Variants in LRRC7 observed in about 807,000 individuals in gnomAD.
LRRC7 encodes leucine-rich repeat-containing protein 7.
A neutral mutation model predicts 175.7 loss-of-function variants in LRRC7; 23 were observed. The ratio of observed to expected loss-of-function variants is 0.13; its 90% confidence interval spans 0.09 to 0.19. The LOEUF is 0.19. LRRC7 is among the 10% of genes least tolerant of loss of function. The pLI is 1.00. For missense variants in LRRC7, 1,354 were observed against 1,904.7 expected, an observed-to-expected ratio of 0.71 and a Z score of 5.38; for synonymous variants, 685 against 680.9, an observed-to-expected ratio of 1.01 and a Z score of -0.09.
At chr1:69,672,245 T>C (rs912038641) in intron 1 of LRRC7, among the ~76,000 whole-genome samples, 6 of 148,714 alleles carry the variant, frequency 4.0e-5, no homozygotes, top group Non-Finnish European at 7.6e-5. Flanking sequence ...TTCTACTTAA[T>C]ACATTTTTTT....
chr1:69,579,719 A>G lies in LRRC7; in HGVS notation c.2+11078A>G, dbSNP rs550679729. Among the ~76,000 whole-genome samples the G allele has an allele frequency of 3.9e-5, 6 of 152,216 alleles. No individual in the cohort carries two copies. In the South Asian group the frequency reaches 1.2e-3, roughly 32 times the overall value. On this transcript the variant is annotated intron_variant, in intron 1 of 26. Coordinates refer to ENST00000651989, the MANE Select transcript of LRRC7 (RefSeq NM_001370785.2). ...ATTCCTTCTTCTCCTCCTTTCTGAGAACATCATAGGATTGTGCTTCCCAGC... is the reference window on the plus strand; with the variant it reads ...ATTCCTTCTTCTCCTCCTTTCTGAGGACATCATAGGATTGTGCTTCCCAGC...
chr1:70,121,602 T>C (rs563591601), intron 26 of LRRC7, among the ~76,000 whole-genome samples, 178 bp from the exon 27 acceptor site: 38 of 152,204 alleles, frequency 2.5e-4, no homozygotes, highest in African/African-American at 8.7e-4. Context: ...TTTGTTGAAT[T>C]GATAAATTTG....
Position 70,128,806 on chromosome 1 carries a change from T to G in LRRC7, c.*6919T>G, listed in dbSNP as rs1457653275. On this transcript the variant is annotated 3_prime_UTR_variant, in exon 27 of 27. Transcript: ENST00000651989. ...GTACAAGGCAATGTGGTGAGTCCCT[T>G]TATTCCTGCCCTCAACCATCCTATT... is the stretch of plus-strand genomic sequence containing the variant. 6.6e-6 allele frequency: 1 copy of G among 152,176 alleles called. No individual in the cohort carries two copies. The highest frequency in any genetic ancestry group is 2.4e-5 in the African/African-American group (1 of 41,430). The allele number at this position is 152,176 out of a possible 1,614,324, so 9.4% of individuals were successfully genotyped here.
chr1:69,780,439 AGAGGTGCTCACT>A (rs562742456), intron 3 of LRRC7, among the ~76,000 whole-genome samples: 92 of 152,240 alleles, frequency 6.0e-4, no homozygotes, highest in African/African-American at 2.1e-3. Context: ...TAGATGTCCA[AGAGGTGCTCACT>A]GAACACAAGC....
chr1:70,095,974 T>G (rs1409722243), intron 25 of LRRC7, among the ~76,000 whole-genome samples: 3 of 152,072 alleles, frequency 2.0e-5, no homozygotes, highest in African/African-American at 4.8e-5. Flanking sequence ...TTTTTTTGTT[T>G]TTTTTTGTTT....
chr1:69,912,574 G>T (rs1646564172), intron 7 of LRRC7, among the ~76,000 whole-genome samples: 1 of 152,134 alleles, frequency 6.6e-6, no homozygotes, highest in South Asian at 2.1e-4. Context: ...TAATGTCATT[G>T]TTCTTGCTTA....
chr1:70,036,164 T>G lies in LRRC7; in HGVS notation c.2039T>G (p.Leu680Arg). The change falls in exon 19 of 27, where the codon CTT becomes CGT. Residue 680 changes from leucine to arginine, a missense_variant. By Grantham distance (102) the Leu-to-Arg change is moderately radical. Around this residue, in one of 4 missense-constraint regions of LRRC7, gnomAD observed 1,032 missense variants for 1,227.2 expected, o/e 0.84. Transcript: ENST00000651989. ...GCTAATGAAATGAGGATTGGGGAAC[T>G]TCACCCTTCATTAGCTGAGACCCCT... ...HPANEMRIGE[L>R]HPSLAETPLY... is the part of the protein sequence containing the mutation. The G allele has an allele frequency of 6.2e-7, 1 of 1,613,492 alleles. No individual in the cohort carries two copies. The highest frequency in any genetic ancestry group is 8.5e-7 in the Non-Finnish European group (1 of 1,179,614).
intron 1 of LRRC7, among the ~76,000 whole-genome samples, chr1:69,628,557 G>T (rs376555275): frequency 2.6e-5 from 4 of 152,222 alleles, no homozygotes; most frequent in African/African-American, 9.6e-5. Context: ...TTCCCAGCCT[G>T]ATCCATAGAT....
intron 7 of LRRC7, chr1:69,919,184 A>C: frequency 4.1e-6 from 1 of 244,156 alleles, no homozygotes. Flanking sequence ...CCAGGCCCTC[A>C]GAGATAGGAA....
intron 23 of LRRC7, among the ~76,000 whole-genome samples, chr1:70,061,551 G>A (rs1005521943): frequency 6.6e-6 from 1 of 152,106 alleles, no homozygotes; most frequent in Non-Finnish European, 1.5e-5. Context: ...TCAGTGAAAG[G>A]CCAGATTGAT....
intron 26 of LRRC7, among the ~76,000 whole-genome samples, chr1:70,121,333 A>G (rs187841920): frequency 3.6e-4 from 55 of 152,226 alleles, no homozygotes; most frequent in African/African-American, 1.3e-3. Flanking sequence ...TAAGATTTAA[A>G]TGTACTATAA....
intron 2 of LRRC7, among the ~76,000 whole-genome samples, chr1:69,722,626 T>C (rs528810215): frequency 1.1e-4 from 16 of 152,008 alleles, no homozygotes; most frequent in Non-Finnish European, 1.9e-4. Flanking sequence ...TACCCAGAAG[T>C]TGGGTGTGAT....
At chr1:69,771,768 T>C (rs1327568612) in intron 3 of LRRC7, among the ~76,000 whole-genome samples, 1 of 152,142 alleles carries the variant, frequency 6.6e-6, no homozygotes, top group Non-Finnish European at 1.5e-5. Context: ...AAAAGGAGCA[T>C]GTAAATCAAC....
intron 9 of LRRC7, among the ~76,000 whole-genome samples, chr1:69,982,165 G>T (rs1440640396): frequency 1.3e-5 from 2 of 152,216 alleles, no homozygotes; most frequent in Admixed American, 1.3e-4. Context: ...AAGTGGAAAG[G>T]CAGGGATGAA....
intron 2 of LRRC7, among the ~76,000 whole-genome samples, chr1:69,754,896 T>G (rs1670233956): frequency 6.6e-6 from 1 of 151,794 alleles, no homozygotes. Context: ...AAAAATGAAG[T>G]GAGAGTTGGG....
At chr1:69,797,367 A>G (rs538474073) in intron 4 of LRRC7, among the ~76,000 whole-genome samples, 15 of 152,274 alleles carry the variant, frequency 9.9e-5, no homozygotes, top group African/African-American at 3.6e-4. Flanking sequence ...AACAAACTTC[A>G]TTTTGGGCAT....
chr1:69,711,955 T>C, intron 2 of LRRC7, among the ~76,000 whole-genome samples: 1 of 152,260 alleles, frequency 6.6e-6, no homozygotes. Flanking sequence ...GTACCTAATA[T>C]GCACAATGAG....
intron 1 of LRRC7, among the ~76,000 whole-genome samples, chr1:69,649,872 A>G (rs1284090837): frequency 4.6e-5 from 7 of 151,822 alleles, no homozygotes; most frequent in Non-Finnish European, 7.4e-5. Flanking sequence ...AACCAAAAAC[A>G]CCCTCACAGG....
At chr1:69,745,924 G>A (rs1034496674) in intron 2 of LRRC7, among the ~76,000 whole-genome samples, 3 of 151,698 alleles carry the variant, frequency 2.0e-5, no homozygotes, top group Admixed American at 1.3e-4. Context: ...AAAATAAATA[G>A]TAATTTAAAT....
Sources: gnomAD v4.1 joint callset for allele counts (sites outside exome capture counted in the v4.1 genomes callset) on GRCh38, gnomAD v4.1.1 for gene constraint, gnomAD v4.1.1 regional missense constraint, MANE v1.5 for transcripts, NCBI Gene and HGNC (gene_info 2026-07-23, HGNC 2026-07-21) for gene names.